Variants in FOXP1 observed in about 807,000 individuals in gnomAD.
FOXP1 encodes the protein forkhead box protein P1.
FOXP1 carries 15 observed loss-of-function variants against 98.2 expected under a neutral mutation model. The observed-to-expected ratio is 0.15, with a 90% CI of 0.10 to 0.24. The LOEUF is 0.24. Among genes scored for constraint, FOXP1 ranks in the 10% least tolerant of loss-of-function variants. The probability of loss-of-function intolerance (pLI) is 1.00; values close to 1 mark genes in which losing one functional copy is unlikely to be tolerated. For synonymous variants in FOXP1, 371 were observed against 314.5 expected, an observed-to-expected ratio of 1.18 and a Z score of -1.90; for missense variants, 633 against 848.5, an observed-to-expected ratio of 0.75 and a Z score of 3.15.
chr3:71,432,621 G>A (rs929182995), intron 3 of FOXP1, among the ~76,000 whole-genome samples: 5 of 152,124 alleles, frequency 3.3e-5, no homozygotes, highest in South Asian at 2.1e-4. Context: ...AAAGGGTTTG[G>A]GCCTAACACC....
intron 5 of FOXP1, among the ~76,000 whole-genome samples, chr3:71,204,546 T>C (rs2063891814): frequency 6.6e-6 from 1 of 152,112 alleles, no homozygotes; most frequent in East Asian, 1.9e-4. Context: ...GACATCACAT[T>C]TGCTAGCATG....
At chr3:71,474,723 C>G (rs892398129) in intron 3 of FOXP1, among the ~76,000 whole-genome samples, 1 of 151,932 alleles carries the variant, frequency 6.6e-6, no homozygotes, top group Non-Finnish European at 1.5e-5. Context: ...CAGATGGGAC[C>G]ATCTAGTTGC....
chr3:71,508,889 T>C (rs2042009400), intron 2 of FOXP1, among the ~76,000 whole-genome samples: 1 of 152,170 alleles, frequency 6.6e-6, no homozygotes, highest in Admixed American at 6.5e-5. Flanking sequence ...TTTCCTTGCT[T>C]ACAAGATGAA....
intron 6 of FOXP1, among the ~76,000 whole-genome samples, chr3:71,117,637 ATT>A (rs1325568935): frequency 6.6e-6 from 1 of 152,124 alleles, no homozygotes; most frequent in Non-Finnish European, 1.5e-5. Context: ...AAATGAAAGA[ATT>A]TCTCTTTTAA....
At position 71,385,957 on chromosome 3, in the gene FOXP1, G is replaced by A. The variant is rs554410771; in HGVS notation, c.-167-26713C>T. The stretch of plus-strand genomic sequence containing the variant: ...CCAAAAGACTCTGCCTGAAATTAAC[G>A]TCTGCACCTCAAGCCACATCCAAAC... On this transcript the variant is annotated intron_variant, in intron 3 of 20. Transcript: ENST00000649528. Among the ~76,000 whole-genome samples, 397 of 152,158 alleles carry A rather than the reference G, an allele frequency of 2.6e-3. 2 individuals carry two copies. The highest frequency in any genetic ancestry group is 9.2e-3 in the African/African-American group (381 of 41,506).
chr3:71,158,111 G>GGGAGGGGA (rs2060926108), intron 6 of FOXP1, among the ~76,000 whole-genome samples: 2 of 57,968 alleles, frequency 3.5e-5, no homozygotes, highest in Admixed American at 1.8e-4. Context: ...AAGGAAGGGA[G>GGGAGGGGA]GGAGGGAGGG....
chr3:71,017,071 G>A (rs1445599480), intron 11 of FOXP1, among the ~76,000 whole-genome samples: 2 of 152,036 alleles, frequency 1.3e-5, no homozygotes, highest in African/African-American at 4.8e-5. Context: ...ACAGAAAGGT[G>A]CCCCTCATAC....
intron 7 of FOXP1, among the ~76,000 whole-genome samples, chr3:71,066,476 T>C (rs1460867201): frequency 1.3e-5 from 2 of 152,178 alleles, no homozygotes; most frequent in Admixed American, 6.5e-5. Flanking sequence ...AAGGGCTCTT[T>C]TGCGAGGTAG....
intron 13 of FOXP1, among the ~76,000 whole-genome samples, chr3:70,999,760 AT>A (rs1460642136): frequency 5.9e-5 from 9 of 152,346 alleles, no homozygotes; most frequent in African/African-American, 2.2e-4. Flanking sequence ...CTCTGCAACT[AT>A]TTGAAGCTGT....
At chr3:71,234,072 G>A (rs1032470542) in intron 5 of FOXP1, among the ~76,000 whole-genome samples, 2 of 151,798 alleles carry the variant, frequency 1.3e-5, no homozygotes, top group Non-Finnish European at 1.5e-5. Flanking sequence ...GATGTTTCTC[G>A]CATGCCCATT....
chr3:70,992,136 C>T (rs2040698743), intron 13 of FOXP1, among the ~76,000 whole-genome samples: 1 of 152,138 alleles, frequency 6.6e-6, no homozygotes, highest in African/African-American at 2.4e-5. Flanking sequence ...CATGCTGGAG[C>T]CAACACTCCA....
intron 3 of FOXP1, among the ~76,000 whole-genome samples, chr3:71,394,535 G>A (rs145930295): frequency 6.6e-6 from 1 of 152,182 alleles, no homozygotes; most frequent in East Asian, 1.9e-4. Flanking sequence ...GATCAAAGAT[G>A]CATTTTTATA....
chr3:71,336,042 A>T (rs901078604), intron 4 of FOXP1, among the ~76,000 whole-genome samples: 1 of 130,032 alleles, frequency 7.7e-6, no homozygotes, highest in African/African-American at 2.8e-5. Context: ...AAAAAAAAAA[A>T]AGGTACAAGG....
At chr3:70,976,251 G>A (rs149467973) in intron 17 of FOXP1, among the ~76,000 whole-genome samples, 45 of 151,960 alleles carry the variant, frequency 3.0e-4, no homozygotes, top group Non-Finnish European at 5.3e-4. Context: ...ACAGGGTCTC[G>A]CTACGTTGCC....
chr3:71,169,541 T>C (rs889823246), intron 6 of FOXP1, among the ~76,000 whole-genome samples: 2 of 152,130 alleles, frequency 1.3e-5, no homozygotes, highest in Non-Finnish European at 2.9e-5. Context: ...TTCAAAGACA[T>C]AAAAAGGTGT....
chr3:71,138,049 C>G (rs1031728595), intron 6 of FOXP1, among the ~76,000 whole-genome samples: 3 of 152,112 alleles, frequency 2.0e-5, no homozygotes, highest in African/African-American at 7.2e-5. Flanking sequence ...CAGATTTAGG[C>G]TGGATCTCTC....
In FOXP1 at chr3:70,958,311, C is replaced by CTT. The variant is rs544766693; in HGVS notation, c.*934_*935dup. 10 of 479,196 alleles carry CTT rather than the reference C, an allele frequency of 2.1e-5. No individual in the cohort carries two copies. The highest frequency in any genetic ancestry group is 3.0e-4 in the Middle Eastern group (1 of 3,374). 29.7% of individuals were successfully genotyped at this position (479,196 alleles called of 1,614,324 possible). ...GGCATTGTTCCTAGAGTTTGTCTCT[C>CTT]TTTTTTTTTTCTGTCATTCATTCTC... On this transcript the variant is annotated 3_prime_UTR_variant, in exon 21 of 21. Coordinates refer to ENST00000649528, the MANE Select transcript of FOXP1 (RefSeq NM_001349338.3).
At chr3:71,152,184 G>C (rs913140040) in intron 6 of FOXP1, among the ~76,000 whole-genome samples, 2 of 152,098 alleles carry the variant, frequency 1.3e-5, no homozygotes, top group African/African-American at 4.8e-5. Flanking sequence ...TTGTGGAGAG[G>C]GCCACACATA....
intron 5 of FOXP1, chr3:71,296,020 TC>T (rs2073251903): frequency 6.6e-6 from 1 of 152,196 alleles, no homozygotes; most frequent in Non-Finnish European, 1.5e-5. Flanking sequence ...AGCACTCAGA[TC>T]TAGTTGGAAG....
Sources: gnomAD v4.1 joint callset for allele counts (sites outside exome capture counted in the v4.1 genomes callset) on GRCh38, gnomAD v4.1.1 for gene constraint, MANE v1.5 for transcripts, NCBI Gene and HGNC (gene_info 2026-07-23, HGNC 2026-07-21) for gene names.